The following TPR variants were observed in gnomAD, a reference collection of about 807,000 sequenced individuals.
TPR encodes translocated promoter region, nuclear basket protein.
TPR carries 51 observed loss-of-function variants against 316.1 expected under a neutral mutation model. That is an observed-to-expected ratio of 0.16 (90% CI 0.13 to 0.20). The LOEUF is 0.20. TPR is among the 10% of genes least tolerant of loss of function. The pLI is 1.00. For missense variants in TPR, 2,272 were observed against 2,754.8 expected, an observed-to-expected ratio of 0.82 and a Z score of 3.92; for synonymous variants, 981 against 914.7, an observed-to-expected ratio of 1.07 and a Z score of -1.31.
In TPR at chr1:186,339,779, T is replaced by A. The variant is rs1658457151; in HGVS notation, c.4021-7A>T. ...TCTGTTGACTTACTAGATGCTAGAA[T>A]AACAAAAATGCATACTTGATTTTTT... On this transcript the variant is annotated splice_polypyrimidine_tract_variant and splice_region_variant and intron_variant, in intron 29 of 50. Coordinates refer to ENST00000367478, the MANE Select transcript of TPR (RefSeq NM_003292.3). 2 of 1,561,468 alleles carry A rather than the reference T, an allele frequency of 1.3e-6. No homozygotes were observed. The highest frequency in any genetic ancestry group is 1.7e-6 in the Non-Finnish European group (2 of 1,159,870).
chr1:186,350,434 A>AC, intron 20 of TPR, 46 bp from the exon 21 acceptor site: 2 of 1,371,678 alleles, frequency 1.5e-6, no homozygotes, highest in Non-Finnish European at 2.0e-6. Flanking sequence ...TTCCTAAGTA[A>AC]CTAAAGGTTC....
intron 49 of TPR, among the ~76,000 whole-genome samples, chr1:186,315,859 T>C (rs1657596694): frequency 1.4e-5 from 2 of 147,732 alleles, no homozygotes; most frequent in Non-Finnish European, 3.0e-5. Context: ...CATCTATTAA[T>C]ATTCTCTTTG....
Position 186,325,833 on chromosome 1 carries a change from C to G in TPR, c.6043G>C (p.Gly2015Arg), listed in dbSNP as rs1303933651. 6.2e-7 allele frequency: 1 copy of G among 1,613,580 alleles called. No homozygotes were observed. The highest frequency in any genetic ancestry group is 2.2e-5 in the East Asian group (1 of 44,848). ...CCCATACTTTCTTCTGTTTCTGTAC[C>G]TGGATCAGTCCCATCACCACCCTAA... ...DAEGGDGTDPGTETEESMGGG... is the reference protein window; with the variant it reads ...DAEGGDGTDPRTETEESMGGG... The change falls in exon 42 of 51, where the codon GGT becomes CGT. Residue 2015 changes from glycine (G) to arginine (R), a missense_variant. By Grantham distance (125) the Gly-to-Arg change is moderately radical. Coordinates refer to ENST00000367478, the MANE Select transcript of TPR (RefSeq NM_003292.3).
At chr1:186,355,831 T>A in intron 15 of TPR, 63 bp from the exon 16 acceptor site, 1 of 1,560,196 alleles carries the variant, frequency 6.4e-7, no homozygotes, top group Non-Finnish European at 8.7e-7. Context: ...TTTAATCTAA[T>A]GCTTCTTTGC....
chr1:186,345,490 A>T, intron 24 of TPR, 90 bp downstream of exon 24: 1 of 989,488 alleles, frequency 1.0e-6, no homozygotes, highest in East Asian at 2.5e-5. Flanking sequence ...GAATTTTTGT[A>T]AGGTCCACCA....
intron 30 of TPR, among the ~76,000 whole-genome samples, chr1:186,339,318 C>A (rs944569376): frequency 2.0e-5 from 3 of 151,424 alleles, no homozygotes; most frequent in Non-Finnish European, 4.4e-5. Flanking sequence ...CTTATAGAGT[C>A]ACAAATATAA....
In TPR at chr1:186,344,075, A is replaced by G; in HGVS notation, c.3433T>C (p.Cys1145Arg). The change falls in exon 26 of 51, where the codon TGT becomes CGT. Residue 1145 changes from cysteine to arginine, a missense_variant. Cys to Arg is a radical substitution (Grantham distance 180, BLOSUM62 -3). Transcript: ENST00000367478. ...ERMLKDEVSK[C>R]VCRCEDLEKQ... ...TCCAGATCTTCACAGCGACATACACATTTGGAAACTTCATCCTGCAAGCCA... is the reference window on the plus strand; with the variant it reads ...TCCAGATCTTCACAGCGACATACACGTTTGGAAACTTCATCCTGCAAGCCA... 6.2e-7 allele frequency: 1 copy of G among 1,612,908 alleles called. No homozygotes were observed. The highest frequency in any genetic ancestry group is 8.5e-7 in the Non-Finnish European group (1 of 1,179,652).
intron 5 of TPR, 83 bp from the exon 6 acceptor site, chr1:186,363,084 CAAGCAGAATT>C: frequency 7.2e-7 from 1 of 1,393,330 alleles, no homozygotes; most frequent in Admixed American, 2.8e-5. Context: ...CTAAGGGACA[CAAGCAGAATT>C]TTATTTCAAA....
At chr1:186,331,290 A>T (rs1337766751) in intron 39 of TPR, among the ~76,000 whole-genome samples, 1 of 152,056 alleles carries the variant, frequency 6.6e-6, no homozygotes, top group East Asian at 1.9e-4. Context: ...GAACAAAAAC[A>T]TTTCTTTAAT....
At chr1:186,322,012 T>A (rs140898341) in intron 45 of TPR, among the ~76,000 whole-genome samples, 1 of 152,224 alleles carries the variant, frequency 6.6e-6, no homozygotes, top group African/African-American at 2.4e-5. Flanking sequence ...CCTAAGGAAC[T>A]TGCTACCGCT....
chr1:186,314,140 T>C, intron 50 of TPR, 114 bp from the exon 51 acceptor site: 2 of 931,090 alleles, frequency 2.1e-6, no homozygotes, highest in Non-Finnish European at 3.2e-6. Flanking sequence ...TATAAAACTG[T>C]TGGGTATTCT....
chr1:186,365,214 G>C (rs533216605), intron 4 of TPR, among the ~76,000 whole-genome samples: 29 of 149,882 alleles, frequency 1.9e-4, no homozygotes, highest in Non-Finnish European at 3.5e-4. Flanking sequence ...TCATGACTCA[G>C]CCTCCTGAGT....
chr1:186,320,643 G>A (rs1446708411), intron 45 of TPR, among the ~76,000 whole-genome samples: 1 of 152,180 alleles, frequency 6.6e-6, no homozygotes, highest in Non-Finnish European at 1.5e-5. Context: ...TGATTTATAT[G>A]TAATTAATTT....
At position 186,311,658 on chromosome 1, in the gene TPR, T is replaced by C. The variant is rs536374246; in HGVS notation, c.*2313A>G. 9.2e-5 allele frequency: 138 copies of C among 1,503,220 alleles called. No individual in the cohort carries two copies. In the Middle Eastern group the frequency reaches 1.0e-3, roughly 11 times the overall value. 93.1% of individuals were successfully genotyped at this position (1,503,220 alleles called of 1,614,324 possible). ...TAAAGAATTACACTCAGCATTTTCA[T>C]TTATTATTGACTTTACTGTCAAAAG... On this transcript the variant is annotated 3_prime_UTR_variant, in exon 51 of 51. Transcript: ENST00000367478.
rs562873787 is a variant in TPR, at chr1:186,344,185, G to T, written c.3418-95C>A. 4 of 1,433,176 alleles carry T rather than the reference G, an allele frequency of 2.8e-6. No individual in the cohort carries two copies. In the African/African-American group the frequency reaches 4.3e-5, roughly 15 times the overall value. 88.8% of individuals were successfully genotyped at this position (1,433,176 alleles called of 1,614,324 possible). A position where few individuals can be genotyped will look rare whatever the true frequency, so the allele number is the denominator to read the frequency against. On this transcript the variant is annotated intron_variant, in intron 25 of 50. Coordinates refer to ENST00000367478, the MANE Select transcript of TPR (RefSeq NM_003292.3). ...CGCGGTGGCTAACGCCTGTAATCCC[G>T]ACTACTTGGGAGGCTGAGGCAGGAG...
chr1:186,369,806 G>A (rs1380528108), intron 3 of TPR, among the ~76,000 whole-genome samples: 1 of 152,090 alleles, frequency 6.6e-6, no homozygotes, highest in East Asian at 1.9e-4. Context: ...GGGCATCCCA[G>A]CCTTGCATTG....
chr1:186,341,340 T>A lies in TPR; in HGVS notation c.3800A>T (p.Glu1267Val), dbSNP rs1434568640. The A allele has an allele frequency of 6.2e-7, 1 of 1,613,864 alleles. No individual in the cohort carries two copies. The part of the protein sequence containing the change: ...AQHEELMKKT[E>V]TMNVVMETNK... The stretch of plus-strand genomic sequence containing the variant: ...GGTCTCCATAACTACATTCATTGTT[T>A]CAGTTTTCTTCATCAGTTCTTCATG... The change falls in exon 28 of 51, where the codon GAA becomes GTA. Residue 1267 changes from glutamate to valine, a missense_variant. Glu to Val is a moderately radical substitution (Grantham distance 121). Coordinates refer to ENST00000367478, the MANE Select transcript of TPR (RefSeq NM_003292.3).
intron 2 of TPR, 33 bp downstream of exon 2, chr1:186,373,326 G>C: frequency 6.6e-7 from 1 of 1,515,370 alleles, no homozygotes; most frequent in Non-Finnish European, 9.1e-7. Flanking sequence ...TCGATACTCC[G>C]AGAATACTTA....
At chr1:186,369,742 G>A (rs576683233) in intron 3 of TPR, among the ~76,000 whole-genome samples, 1 of 151,818 alleles carries the variant, frequency 6.6e-6, no homozygotes, top group East Asian at 1.9e-4. Context: ...TCCTTTTCTT[G>A]TCTGATTGCT....
Sources: gnomAD v4.1 joint callset for allele counts (sites outside exome capture counted in the v4.1 genomes callset) on GRCh38, gnomAD v4.1.1 for gene constraint, MANE v1.5 for transcripts, NCBI Gene and HGNC (gene_info 2026-07-23, HGNC 2026-07-21) for gene names.